PPP3CA: variants seen among roughly 807,000 people sequenced by gnomAD.
PPP3CA encodes the protein CAM-PRP catalytic subunit.
Under a neutral mutation model 66.5 loss-of-function variants are expected in PPP3CA, and 14 were observed. The ratio of observed to expected loss-of-function variants is 0.21; its 90% CI spans 0.14 to 0.33. The LOEUF (loss-of-function observed/expected upper bound fraction) is 0.33. Ranked by LOEUF, PPP3CA falls within the 10% of genes least tolerant of loss-of-function variation. The probability of loss-of-function intolerance (pLI) is 1.00; values close to 1 mark genes in which losing one functional copy is unlikely to be tolerated. For missense variants in PPP3CA, 317 were observed against 639.5 expected (o/e 0.50, Z 5.44); for synonymous variants, 232 against 226.2 (o/e 1.03, Z -0.23).
intron 8 of PPP3CA, among the ~76,000 whole-genome samples, chr4:101,066,966 GTC>G (rs1728708213): frequency 6.6e-6 from 1 of 152,186 alleles, no homozygotes; most frequent in East Asian, 1.9e-4. Flanking sequence ...AAGAACAAAA[GTC>G]TACTACCAAG....
At chr4:101,286,871 A>C (rs1727861383) in intron 1 of PPP3CA, among the ~76,000 whole-genome samples, 3 of 152,190 alleles carry the variant, frequency 2.0e-5, no homozygotes, top group Non-Finnish European at 4.4e-5. Flanking sequence ...GTCACCTGTG[A>C]CAGAGTTCAG....
At chr4:101,198,950 G>A (rs1724885366) in intron 1 of PPP3CA, among the ~76,000 whole-genome samples, 1 of 152,148 alleles carries the variant, frequency 6.6e-6, no homozygotes, top group Non-Finnish European at 1.5e-5. Context: ...TGGATGGAAG[G>A]GATCCTGATG....
At chr4:101,268,934 C>T (rs1560689979) in intron 1 of PPP3CA, among the ~76,000 whole-genome samples, 1 of 152,000 alleles carries the variant, frequency 6.6e-6, no homozygotes, top group Admixed American at 6.6e-5. Flanking sequence ...TATCAGCTGC[C>T]CAAAGTTTAT....
intron 12 of PPP3CA, among the ~76,000 whole-genome samples, chr4:101,029,464 T>TAA (rs1553920240): frequency 1.3e-5 from 2 of 148,614 alleles, no homozygotes; most frequent in Non-Finnish European, 3.0e-5. Context: ...ACTAAATAAA[T>TAA]AACAAACAAC....
chr4:101,133,029 G>A (rs912023177), intron 2 of PPP3CA, among the ~76,000 whole-genome samples: 1 of 138,324 alleles, frequency 7.2e-6, no homozygotes, highest in Non-Finnish European at 1.5e-5. Context: ...TGCAAAAAAG[G>A]CCTTCGATAA....
chr4:101,106,460 GAAAAGAAAAGAAAAGAAAAGAAAAGAAA>G lies in PPP3CA; in HGVS notation c.384+2466_384+2493del. On this transcript the variant is annotated intron_variant, in intron 3 of 13. Transcript: ENST00000394854. ...AAGAAAGAAAGAAAGAAAGAGAAAA[GAAAAGAAAAGAAAAGAAAAGAAAAGAAA>G]AGAAAAGAAAAGAAAGAAAGAAAGA... is the stretch of plus-strand genomic sequence containing the variant. 8.5e-5 allele frequency among the ~76,000 whole-genome samples: 2 copies of G among 23,462 alleles called. 1 individual carries two copies. The highest frequency in any genetic ancestry group is 3.8e-4 in the African/African-American group (2 of 5,294). 15.4% of individuals were successfully genotyped at this position (23,462 alleles called of 152,430 possible).
intron 10 of PPP3CA, among the ~76,000 whole-genome samples, chr4:101,046,501 A>AAT (rs1267311231): frequency 6.6e-6 from 1 of 151,968 alleles, no homozygotes; most frequent in Admixed American, 6.6e-5. Context: ...ATTTAAATGA[A>AAT]ATATATATAA....
chr4:101,043,810 G>A (rs1474262145), intron 10 of PPP3CA, among the ~76,000 whole-genome samples: 1 of 151,994 alleles, frequency 6.6e-6, no homozygotes, highest in Admixed American at 6.5e-5. Flanking sequence ...GGGAGGCAGA[G>A]GTTGCGGTGA....
chr4:101,168,115 C>T (rs1723751595), intron 2 of PPP3CA, among the ~76,000 whole-genome samples: 1 of 152,060 alleles, frequency 6.6e-6, no homozygotes, highest in Admixed American at 6.6e-5. Context: ...ATAATCCAGC[C>T]AAGGTAGTGG....
chr4:101,047,395 A>G (rs556851635), intron 10 of PPP3CA, among the ~76,000 whole-genome samples: 2 of 152,188 alleles, frequency 1.3e-5, no homozygotes, highest in Non-Finnish European at 2.9e-5. Context: ...AGTTGTAAAT[A>G]ATGTTGTAAA....
chr4:101,139,167 C>T (rs1462786727), intron 2 of PPP3CA, among the ~76,000 whole-genome samples: 2 of 151,840 alleles, frequency 1.3e-5, no homozygotes, highest in Non-Finnish European at 2.9e-5. Flanking sequence ...CACAGTGAAA[C>T]CCCGTCTCTA....
intron 1 of PPP3CA, among the ~76,000 whole-genome samples, chr4:101,233,018 G>A (rs1232018829): frequency 1.2e-4 from 14 of 114,108 alleles, no homozygotes; most frequent in Non-Finnish European, 2.3e-4. Context: ...CTATACAAAT[G>A]AGATTTTGCT....
intron 10 of PPP3CA, among the ~76,000 whole-genome samples, chr4:101,043,542 A>C (rs1727623783): frequency 6.6e-6 from 1 of 151,380 alleles, no homozygotes; most frequent in Non-Finnish European, 1.5e-5. Context: ...AACACACTCT[A>C]GCACTTTTCT....
intron 13 of PPP3CA, among the ~76,000 whole-genome samples, chr4:101,027,456 T>C (rs1316171664): frequency 6.6e-6 from 1 of 152,134 alleles, no homozygotes; most frequent in Non-Finnish European, 1.5e-5. Flanking sequence ...ATTAGTCAAC[T>C]GTGAGAGGAA....
intron 2 of PPP3CA, among the ~76,000 whole-genome samples, chr4:101,193,940 G>C (rs1462581360): frequency 6.6e-6 from 1 of 152,126 alleles, no homozygotes; most frequent in Non-Finnish European, 1.5e-5. Context: ...TTAATAAAAA[G>C]TAGGAGGGAA....
At chr4:101,049,609 G>C (rs1727922589) in intron 10 of PPP3CA, among the ~76,000 whole-genome samples, 1 of 151,848 alleles carries the variant, frequency 6.6e-6, no homozygotes, top group South Asian at 2.1e-4. Context: ...GATTTACTGA[G>C]GACATAATTG....
intron 3 of PPP3CA, among the ~76,000 whole-genome samples, chr4:101,104,290 G>GCT (rs1190104605): frequency 6.6e-6 from 1 of 152,136 alleles, no homozygotes. Flanking sequence ...GGAAAACTGA[G>GCT]CTCTTATTTT....
At chr4:101,295,076 T>C (rs1041212737) in intron 1 of PPP3CA, among the ~76,000 whole-genome samples, 26 of 146,368 alleles carry the variant, frequency 1.8e-4, no homozygotes, top group African/African-American at 6.3e-4. Context: ...CCGAGGCGGG[T>C]GGATCATGAG....
chr4:101,304,338 T>C (rs1381972778), intron 1 of PPP3CA, among the ~76,000 whole-genome samples: 1 of 152,204 alleles, frequency 6.6e-6, no homozygotes, highest in African/African-American at 2.4e-5. Context: ...TCCTATTTAA[T>C]GGAAATGTCA....
Sources: gnomAD v4.1 joint callset for allele counts (sites outside exome capture counted in the v4.1 genomes callset) on GRCh38, gnomAD v4.1.1 for gene constraint, MANE v1.5 for transcripts, NCBI Gene and HGNC (gene_info 2026-07-23, HGNC 2026-07-21) for gene names.